Variants in CYP2J2 observed in about 807,000 individuals in gnomAD.
The protein encoded by CYP2J2 is cytochrome P450 family 2 subfamily J member 2.
CYP2J2 carries 41 observed loss-of-function variants against 48.8 expected under a neutral mutation model. The ratio of observed to expected loss-of-function variants is 0.84; its 90% CI spans 0.66 to 1.09. The LOEUF (loss-of-function observed/expected upper bound fraction) is 1.09, where lower values mean the gene tolerates loss of function less well. Ranked by LOEUF, CYP2J2 falls within the 50% of genes least tolerant of loss-of-function variation. The pLI is 0.00. For synonymous variants in CYP2J2, 221 were observed against 227.1 expected (o/e 0.97, Z 0.24); for missense variants, 644 against 617.3 (o/e 1.04, Z -0.46).
At chr1:59,918,817 G>T in intron 1 of CYP2J2, among the ~76,000 whole-genome samples, 1 of 151,986 alleles carries the variant, frequency 6.6e-6, no homozygotes, top group East Asian at 1.9e-4. Context: ...AAAAGCAATA[G>T]GAGACAGGAA....
At chr1:59,964,143 A>T in the CYP2J2 span, among the ~76,000 whole-genome samples, 181 of 152,280 alleles carry the variant, frequency 1.2e-3, 1 homozygote, top group African/African-American at 4.0e-3. Flanking sequence ...GCCAAAACTT[A>T]TTTAAACTGG....
At chr1:59,911,278 A>G (rs1644411554) in intron 4 of CYP2J2, among the ~76,000 whole-genome samples, 1 of 152,180 alleles carries the variant, frequency 6.6e-6, no homozygotes, top group Non-Finnish European at 1.5e-5. Flanking sequence ...GAAATGGACG[A>G]GTTGGGGAAG....
intron 7 of CYP2J2, among the ~76,000 whole-genome samples, chr1:59,903,803 C>T (rs1215660991): frequency 2.0e-5 from 3 of 152,188 alleles, no homozygotes; most frequent in African/African-American, 4.8e-5. Context: ...TGGTGTCTCA[C>T]AAAGAAACAG....
chr1:59,939,605 G>A, the CYP2J2 span, among the ~76,000 whole-genome samples: 1 of 152,048 alleles, frequency 6.6e-6, no homozygotes, highest in East Asian at 1.9e-4. Context: ...CTATGTTTAC[G>A]CAAGGCTCTG....
intron 1 of CYP2J2, among the ~76,000 whole-genome samples, chr1:59,922,623 C>A (rs1186072751): frequency 6.6e-6 from 1 of 152,162 alleles, no homozygotes; most frequent in Non-Finnish European, 1.5e-5. Flanking sequence ...TCTTTTAACA[C>A]CTATCTTAGG....
the CYP2J2 span, among the ~76,000 whole-genome samples, chr1:59,958,883 G>T: frequency 1.4e-4 from 21 of 152,018 alleles, no homozygotes. Context: ...CTCCTTTCTA[G>T]TTTCTCTATT....
At chr1:59,906,173 G>A (rs144731825) in intron 6 of CYP2J2, among the ~76,000 whole-genome samples, 45 of 152,222 alleles carry the variant, frequency 3.0e-4, no homozygotes, top group African/African-American at 9.9e-4. Context: ...GTGACAGAGC[G>A]AGAAAAAAGA....
chr1:59,951,907 CA>C, the CYP2J2 span, among the ~76,000 whole-genome samples: 587 of 152,284 alleles, frequency 3.9e-3, 1 homozygote, highest in African/African-American at 0.014. Flanking sequence ...CGCTTTTAAT[CA>C]AATCTCCTAC....
At chr1:59,911,896 C>T (rs1212344112) in intron 3 of CYP2J2, 128 bp from the exon 4 acceptor site, 1 of 965,180 alleles carries the variant, frequency 1.0e-6, no homozygotes, top group Non-Finnish European at 1.5e-6. Context: ...GGCCACATGA[C>T]CTTACACTGC....
In CYP2J2 at chr1:59,905,024, G is replaced by A; in HGVS notation, c.1038C>T (p.Gly346=). The change falls in exon 7 of 9, where the codon GGC becomes GGT. Residue 346 remains glycine (G), a synonymous_variant. Transcript: ENST00000371204. Reference sequence around the variant, plus strand: ...CGGCTGTGCTCGGCTGCTGCCCCTGGCCAATCACTCTGTCAATCTCAGCTT... The same window carrying A: ...CGGCTGTGCTCGGCTGCTGCCCCTGACCAATCACTCTGTCAATCTCAGCTT... ...KVQAEIDRVI[G]QGQQPSTAAR... is the part of the protein sequence containing the mutation. The A allele has an allele frequency of 6.2e-7, 1 of 1,613,742 alleles. No individual in the cohort carries two copies. The highest frequency in any genetic ancestry group is 8.5e-7 in the Non-Finnish European group (1 of 1,179,866).
the CYP2J2 span, among the ~76,000 whole-genome samples, chr1:59,932,645 G>A: frequency 6.6e-6 from 1 of 151,516 alleles, no homozygotes; most frequent in African/African-American, 2.4e-5. Flanking sequence ...CATACAGAAA[G>A]GAAGAATACC....
At chr1:59,893,888 G>T (rs971894422) in intron 8 of CYP2J2, 59 bp from the exon 9 acceptor site, 2 of 1,507,290 alleles carry the variant, frequency 1.3e-6, no homozygotes, top group Non-Finnish European at 1.8e-6. Flanking sequence ...GCCTAGCAGA[G>T]ATTGCTATCC....
the CYP2J2 span, among the ~76,000 whole-genome samples, chr1:59,957,149 T>G: frequency 6.6e-6 from 1 of 152,182 alleles, no homozygotes; most frequent in African/African-American, 2.4e-5. Context: ...TTTAAACCAT[T>G]AAGTTTTAGG....
chr1:59,904,599 C>T (rs1348973203), intron 7 of CYP2J2: 6 of 380,762 alleles, frequency 1.6e-5, no homozygotes, highest in African/African-American at 1.3e-4. Flanking sequence ...TCACAATGCA[C>T]ATTAGCATAG....
At chr1:59,959,653 A>G in the CYP2J2 span, among the ~76,000 whole-genome samples, 1 of 152,112 alleles carries the variant, frequency 6.6e-6, no homozygotes, top group Middle Eastern at 3.2e-3. Context: ...GTATATACAT[A>G]TATGCACATA....
In CYP2J2 at chr1:59,919,280, T is replaced by C. The variant is rs1032215754; in HGVS notation, c.211-3180A>G. Among the ~76,000 whole-genome samples, 4 of 152,264 alleles carry C rather than the reference T, an allele frequency of 2.6e-5. No individual in the cohort carries two copies. In the East Asian group the frequency reaches 7.7e-4, roughly 29 times the overall value. The stretch of plus-strand genomic sequence containing the variant: ...TATGTTTATGTCTTTCAAACATTTC[T>C]GTATCAAGGTATTCAACTTTTTTCT... On this transcript the variant is annotated intron_variant, in intron 1 of 8. Coordinates refer to ENST00000371204, the MANE Select transcript of CYP2J2 (RefSeq NM_000775.4).
intron 8 of CYP2J2, among the ~76,000 whole-genome samples, chr1:59,898,722 T>A (rs1321591934): frequency 6.6e-6 from 1 of 152,196 alleles, no homozygotes; most frequent in Non-Finnish European, 1.5e-5. Flanking sequence ...CTTGAGCATA[T>A]GATCTTGGAT....
the CYP2J2 span, among the ~76,000 whole-genome samples, chr1:59,944,694 G>A: frequency 6.6e-6 from 1 of 151,796 alleles, no homozygotes; most frequent in Non-Finnish European, 1.5e-5. Flanking sequence ...CAGAGCTTGT[G>A]GTTATTTGCC....
intron 1 of CYP2J2, among the ~76,000 whole-genome samples, chr1:59,917,870 C>G (rs1644480742): frequency 6.6e-6 from 1 of 152,166 alleles, no homozygotes; most frequent in African/African-American, 2.4e-5. Context: ...GTGGCCTCTT[C>G]TCCACAATCC....
Sources: gnomAD v4.1 joint callset for allele counts (sites outside exome capture counted in the v4.1 genomes callset) on GRCh38, gnomAD v4.1.1 for gene constraint, MANE v1.5 for transcripts, NCBI Gene and HGNC (gene_info 2026-07-23, HGNC 2026-07-21) for gene names.